The following OSBPL1A variants were observed in gnomAD, a reference collection of about 807,000 sequenced individuals.
The protein encoded by OSBPL1A is oxysterol-binding protein-related protein 1.
In OSBPL1A, 80 loss-of-function variants were observed where a neutral mutation model predicts 137.1. That is an observed-to-expected ratio of 0.58 (90% confidence interval 0.49 to 0.70). The LOEUF is 0.70. Ranked by LOEUF, OSBPL1A falls within the 30% of genes least tolerant of loss-of-function variation. OSBPL1A has a pLI of 0.00. For synonymous variants in OSBPL1A, 365 were observed against 389.7 expected (o/e 0.94, Z 0.75); for missense variants, 970 against 1,129.4 (o/e 0.86, Z 2.02).
intron 21 of OSBPL1A, among the ~76,000 whole-genome samples, chr18:24,177,461 T>G (rs2086478741): frequency 6.6e-6 from 1 of 152,228 alleles, no homozygotes; most frequent in Non-Finnish European, 1.5e-5. Flanking sequence ...CCTGCTACTA[T>G]CTACTTTTCA....
chr18:24,256,820 A>G (rs904595518), intron 15 of OSBPL1A, among the ~76,000 whole-genome samples: 1 of 152,094 alleles, frequency 6.6e-6, no homozygotes, highest in Non-Finnish European at 1.5e-5. Context: ...CCAAAAGTGA[A>G]TATCTGAAAA....
At chr18:24,322,106 CTT>C (rs71266986) in intron 7 of OSBPL1A, among the ~76,000 whole-genome samples, 2 of 122,794 alleles carry the variant, frequency 1.6e-5, no homozygotes, top group Admixed American at 8.4e-5. Flanking sequence ...AAATATGTGA[CTT>C]TTTTTTTTTT....
intron 17 of OSBPL1A, among the ~76,000 whole-genome samples, chr18:24,203,357 C>A (rs556567479): frequency 8.9e-4 from 135 of 152,272 alleles, no homozygotes; most frequent in African/African-American, 3.2e-3. Context: ...TCTCCAATAC[C>A]AACAGTAACA....
chr18:24,344,084 T>C (rs990159296), intron 4 of OSBPL1A, among the ~76,000 whole-genome samples: 1 of 152,192 alleles, frequency 6.6e-6, no homozygotes, highest in African/African-American at 2.4e-5. Context: ...ATGCAAAGAA[T>C]GTCTAAAACT....
chr18:24,206,162 A>C (rs139877316), intron 17 of OSBPL1A, among the ~76,000 whole-genome samples: 1,780 of 152,306 alleles, frequency 0.012, 28 homozygotes, highest in African/African-American at 0.041. Flanking sequence ...AAGTGCTGGG[A>C]TTACAGGTGT....
intron 15 of OSBPL1A, among the ~76,000 whole-genome samples, chr18:24,264,123 T>C (rs2089511115): frequency 6.6e-6 from 1 of 152,200 alleles, no homozygotes; most frequent in South Asian, 2.1e-4. Flanking sequence ...CAATAGGGAT[T>C]GACGCAGGAC....
intron 21 of OSBPL1A, among the ~76,000 whole-genome samples, chr18:24,175,741 T>A (rs993137226): frequency 2.0e-5 from 3 of 152,250 alleles, no homozygotes; most frequent in African/African-American, 7.2e-5. Context: ...GAGTTTCTCC[T>A]ATGTTTTCTT....
At chr18:24,254,730 A>G (rs1292867226) in intron 15 of OSBPL1A, among the ~76,000 whole-genome samples, 4 of 152,188 alleles carry the variant, frequency 2.6e-5, no homozygotes, top group Non-Finnish European at 5.9e-5. Flanking sequence ...TCAAAAAAAA[A>G]GGAAAACTTC....
At chr18:24,185,196 G>A (rs1413978355) in intron 18 of OSBPL1A, among the ~76,000 whole-genome samples, 2 of 152,152 alleles carry the variant, frequency 1.3e-5, no homozygotes, top group African/African-American at 4.8e-5. Context: ...TTTTTAAGGC[G>A]TGAAAACACT....
chr18:24,348,840 A>T lies in OSBPL1A; in HGVS notation c.283-7182T>A, dbSNP rs77449034. Reference sequence around the variant, plus strand: ...ACACCACAGTCTACTATACAAACTGAACAAAGTTCACCCCACAATGAAGCC... The same window carrying T: ...ACACCACAGTCTACTATACAAACTGTACAAAGTTCACCCCACAATGAAGCC... On this transcript the variant is annotated intron_variant, in intron 4 of 27. Coordinates refer to ENST00000319481, the MANE Select transcript of OSBPL1A (RefSeq NM_080597.4). Among the ~76,000 whole-genome samples the T allele has an allele frequency of 2.2e-3, 336 of 152,212 alleles. 7 individuals are homozygous for T. In the East Asian group the frequency reaches 0.024, roughly 11 times the overall value.
chr18:24,232,698 C>T (rs946774753), intron 16 of OSBPL1A, among the ~76,000 whole-genome samples: 1 of 152,162 alleles, frequency 6.6e-6, no homozygotes, highest in Non-Finnish European at 1.5e-5. Context: ...AGGCCAGTTG[C>T]AGAATAATCC....
intron 7 of OSBPL1A, among the ~76,000 whole-genome samples, chr18:24,331,218 G>A (rs1173880846): frequency 6.6e-6 from 1 of 152,234 alleles, no homozygotes; most frequent in Non-Finnish European, 1.5e-5. Flanking sequence ...GCCCTTAGGA[G>A]TTCAGTCACA....
chr18:24,272,005 G>T, intron 15 of OSBPL1A: 1 of 981,530 alleles, frequency 1.0e-6, no homozygotes, highest in Non-Finnish European at 1.2e-6. Context: ...CAAGGCCTGC[G>T]GCGGGCGGCT....
intron 18 of OSBPL1A, among the ~76,000 whole-genome samples, chr18:24,185,943 C>G (rs781096756): frequency 1.7e-4 from 26 of 152,096 alleles, no homozygotes; most frequent in Non-Finnish European, 4.4e-5. Flanking sequence ...GGGCGTGCAT[C>G]TGTAGTCCCA....
intron 7 of OSBPL1A, among the ~76,000 whole-genome samples, chr18:24,324,056 TAAA>T (rs766728996): frequency 3.1e-5 from 2 of 65,196 alleles, no homozygotes; most frequent in Non-Finnish European, 3.1e-5. Context: ...CTCATTTGGG[TAAA>T]AAAAAAAAAA....
chr18:24,193,487 CAA>C (rs61065111), intron 18 of OSBPL1A, among the ~76,000 whole-genome samples: 31 of 78,818 alleles, frequency 3.9e-4, no homozygotes, highest in Admixed American at 7.4e-4. Context: ...GACTCCGACT[CAA>C]AAAAAAAAAA....
intron 17 of OSBPL1A, among the ~76,000 whole-genome samples, chr18:24,199,825 G>C (rs2087162272): frequency 6.6e-6 from 1 of 152,086 alleles, no homozygotes; most frequent in South Asian, 2.1e-4. Flanking sequence ...CCACCAGTCA[G>C]GGCACAGAAA....
intron 15 of OSBPL1A, among the ~76,000 whole-genome samples, chr18:24,248,296 A>G (rs1471910): frequency 0.082 from 12,556 of 152,266 alleles, 665 homozygotes; most frequent in African/African-American, 0.15. Context: ...GACATTATAC[A>G]TAAGTTCATC....
intron 16 of OSBPL1A, among the ~76,000 whole-genome samples, chr18:24,229,476 C>T (rs1208334307): frequency 6.6e-6 from 1 of 152,248 alleles, no homozygotes; most frequent in Non-Finnish European, 1.5e-5. Context: ...TGGGCTTACT[C>T]TGTCAGTAAC....
Sources: gnomAD v4.1 joint callset for allele counts (sites outside exome capture counted in the v4.1 genomes callset) on GRCh38, gnomAD v4.1.1 for gene constraint, MANE v1.5 for transcripts, NCBI Gene and HGNC (gene_info 2026-07-23, HGNC 2026-07-21) for gene names.